Variants in POLG observed in about 807,000 individuals in gnomAD.
POLG encodes the protein DNA polymerase subunit gamma-1.
Under a neutral mutation model 155.4 loss-of-function variants are expected in POLG, and 110 were observed. That is an observed-to-expected ratio of 0.71 (90% CI 0.61 to 0.83). The LOEUF is 0.83. Among genes scored for constraint, POLG ranks in the 40% least tolerant of loss-of-function variants. The probability of loss-of-function intolerance (pLI) is 0.00; values close to 1 mark genes in which losing one functional copy is unlikely to be tolerated. For synonymous variants in POLG, 701 were observed against 631.5 expected, an observed-to-expected ratio of 1.11 and a Z score of -1.65; for missense variants, 1,685 against 1,627.5, an observed-to-expected ratio of 1.04 and a Z score of -0.61.
Position 89,333,308 on chromosome 15 carries a change from G to A in POLG, c.447C>T (p.Pro149=). The A allele has an allele frequency of 6.4e-7, 1 of 1,556,526 alleles. No homozygotes were observed. The highest frequency in any genetic ancestry group is 8.7e-7 in the Non-Finnish European group (1 of 1,150,610). The part of the protein sequence containing the change: ...FRLLAQKQSL[P]YLEAANLLLQ... ...ACAGCAAGTTGGCCGCCTCCAGGTA[G>A]GGCAGGCTCTGCTTCTGGGCCAGGA... The change falls in exon 2 of 23, where the codon CCC becomes CCT. Residue 149 remains proline (P), a synonymous_variant. Transcript: ENST00000268124.
intron 17 of POLG, 21 bp from the exon 18 acceptor site, chr15:89,321,033 A>T: frequency 6.2e-7 from 1 of 1,614,170 alleles, no homozygotes; most frequent in Non-Finnish European, 8.5e-7. Flanking sequence ...AGCAGGAGTG[A>T]GAAAAGCAGC....
intron 2 of POLG, among the ~76,000 whole-genome samples, chr15:89,332,697 G>A (rs971778811): frequency 6.6e-6 from 1 of 152,130 alleles, no homozygotes; most frequent in Non-Finnish European, 1.5e-5. Context: ...ACAAAAGGGA[G>A]CTTTCTACCG....
At position 89,324,622 on chromosome 15, in the gene POLG, T is replaced by A. The variant is rs557316730; in HGVS notation, c.1950-395A>T. 2.4e-3 allele frequency among the ~76,000 whole-genome samples: 361 copies of A among 152,308 alleles called. 1 individual carries two copies. Among genetic ancestry groups the A allele is most frequent in the Admixed American group, 8.6e-3 (131 of 15,308 alleles). On this transcript the variant is annotated intron_variant, in intron 10 of 22. Transcript: ENST00000268124. ...TATCCCCTTTGGTCCCATGGCCCCA[T>A]AAGAGACTCAGGCTGCCCTGAAGAG...
rs775048930 is a variant in POLG at position 89,316,820 on chromosome 15, C to T, written c.3651G>A (p.Ala1217=). Residue 1217 remains alanine (A), a synonymous_variant, in exon 23 of 23, where the codon GCG becomes GCA. Coordinates refer to ENST00000268124, the MANE Select transcript of POLG (RefSeq NM_002693.3). ...ERRYGIPQGE[A]LDIYQIIELT... is the part of the protein sequence containing the mutation. ...GTTCAATTATCTGGTAAATATCCAGCGCTTCACCTGAAAGATAGTGCAAAT... is the reference window on the plus strand; with the variant it reads ...GTTCAATTATCTGGTAAATATCCAGTGCTTCACCTGAAAGATAGTGCAAAT... 60 of 1,613,160 alleles carry T rather than the reference C, an allele frequency of 3.7e-5. No individual in the cohort carries two copies. In the Middle Eastern group the frequency reaches 4.9e-4, roughly 13 times the overall value.
chr15:89,331,945 A>G (rs764126015), intron 2 of POLG, among the ~76,000 whole-genome samples: 6 of 152,226 alleles, frequency 3.9e-5, no homozygotes, highest in South Asian at 2.1e-4. Flanking sequence ...AGAGGTAAAA[A>G]GAGAGAAAGA....
At position 89,334,699 on chromosome 15, in the gene POLG, T is replaced by G. The variant is rs551077610; in HGVS notation, c.-186A>C. Reference sequence around the variant, plus strand: ...TCGGTCCTCACGGTGCTTCCCGGTCTGCTGCTCCCCCGACCCCAGGCCCAC... The same window carrying G: ...TCGGTCCTCACGGTGCTTCCCGGTCGGCTGCTCCCCCGACCCCAGGCCCAC... On this transcript the variant is annotated 5_prime_UTR_variant, in exon 1 of 23. Transcript: ENST00000268124. 8 of 152,396 alleles carry G rather than the reference T, an allele frequency of 5.2e-5. No homozygotes were observed. The highest frequency in any genetic ancestry group is 1.9e-4 in the African/African-American group (8 of 41,482). 9.4% of individuals were successfully genotyped at this position (152,396 alleles called of 1,614,324 possible). A position where few individuals can be genotyped will look rare whatever the true frequency, so the allele number is the denominator to read the frequency against.
intron 10 of POLG, among the ~76,000 whole-genome samples, chr15:89,325,233 A>AGT (rs2055490447): frequency 9.6e-6 from 1 of 104,110 alleles, no homozygotes; most frequent in African/African-American, 5.1e-5. Context: ...AGAGTGAGTG[A>AGT]GAGAGTGAGT....
rs569277153 is a variant in POLG at position 89,328,664 on chromosome 15, G to A, written c.1170+21C>T. The A allele has an allele frequency of 1.5e-5, 24 of 1,613,914 alleles. No individual in the cohort carries two copies. In the South Asian group the frequency reaches 2.1e-4, roughly 14 times the overall value. On this transcript the variant is annotated intron_variant, in intron 5 of 22. Transcript: ENST00000268124. ...GGGTGTGCCACAGCCCATGTCCCCA[G>A]AGCCCCCTCCAGCACCATACCTGGA...
At chr15:89,325,066 GA>G (rs2055460185) in intron 10 of POLG, among the ~76,000 whole-genome samples, 1 of 104,054 alleles carries the variant, frequency 9.6e-6, no homozygotes, top group Non-Finnish European at 2.0e-5. Context: ...GAGAGTGAGT[GA>G]GTGAGTGAGT....
At chr15:89,322,710 G>C (rs2055413894) in intron 14 of POLG, 32 bp downstream of exon 14, 1 of 1,607,672 alleles carries the variant, frequency 6.2e-7, no homozygotes, top group Non-Finnish European at 8.5e-7. Context: ...AGAGGGGAAA[G>C]GCATCCCAGG....
chr15:89,316,488 G>C lies in POLG; in HGVS notation c.*263C>G. ...AAATGCCTGAGTTAATGTGAACTTT[G>C]GGGCTTCTGCTTCATTTTTACCCAA... On this transcript the variant is annotated 3_prime_UTR_variant, in exon 23 of 23. Coordinates refer to ENST00000268124, the MANE Select transcript of POLG (RefSeq NM_002693.3). 1 of 1,591,824 alleles carries C rather than the reference G, an allele frequency of 6.3e-7. No individual in the cohort carries two copies. The highest frequency in any genetic ancestry group is 8.6e-7 in the Non-Finnish European group (1 of 1,167,088).
rs193253420 is a variant in POLG at position 89,328,214 on chromosome 15, A to G, written c.1250+242T>C. 3.9e-5 allele frequency among the ~76,000 whole-genome samples: 6 copies of G among 152,348 alleles called. No individual in the cohort carries two copies. In the East Asian group the frequency reaches 1.2e-3, roughly 29 times the overall value. On this transcript the variant is annotated intron_variant, in intron 6 of 22. Coordinates refer to ENST00000268124, the MANE Select transcript of POLG (RefSeq NM_002693.3). ...AAGGATCTAGTTAGAGAAGGTGCAC[A>G]GTAAACCAGGACCGTGCACATGACA...
intron 22 of POLG, 193 bp from the exon 23 acceptor site, chr15:89,317,020 A>ATAGAAAATAAGCTTTCTGATT (rs2055291413): frequency 6.6e-6 from 4 of 609,906 alleles, no homozygotes; most frequent in Non-Finnish European, 1.2e-5. Flanking sequence ...TATATTTTAA[A>ATAGAAAATAAGCTTTCTGATT]TAGAAAATAA....
In POLG at chr15:89,319,165, C is replaced by A. The variant is rs1182465644; in HGVS notation, c.3104+63G>T. The A allele has an allele frequency of 1.9e-6, 3 of 1,614,046 alleles. No individual in the cohort carries two copies. In the East Asian group the frequency reaches 6.7e-5, roughly 36 times the overall value. On this transcript the variant is annotated intron_variant, in intron 19 of 22. Coordinates refer to ENST00000268124, the MANE Select transcript of POLG (RefSeq NM_002693.3). ...ATCTCAAAGCTAAAAAACAAAGCAT[C>A]CAAGCTCTTCTGGGGCAAGCCCAGA... is the stretch of plus-strand genomic sequence containing the variant.
At chr15:89,323,332 C>T in intron 13 of POLG, 72 bp downstream of exon 13, 1 of 945,406 alleles carries the variant, frequency 1.1e-6, no homozygotes, top group Non-Finnish European at 1.7e-6. Context: ...AGGTGTGTCA[C>T]TCTGAAGGCC....
chr15:89,330,539 A>T (rs979332755), intron 2 of POLG, among the ~76,000 whole-genome samples: 1 of 152,220 alleles, frequency 6.6e-6, no homozygotes, highest in Admixed American at 6.5e-5. Flanking sequence ...ACCTACGTGC[A>T]GGTATTCTAT....
At position 89,323,504 on chromosome 15, in the gene POLG, C is replaced by T. The variant is rs185645212; in HGVS notation, c.2165G>A (p.Arg722His). Residue 722 changes from arginine to histidine, a missense_variant, in exon 13 of 23, where the codon CGT (arginine) becomes CAT (histidine). Around this residue, in one of 3 missense-constraint regions of POLG, gnomAD observed 1,210 missense variants for 1,167.1 expected, o/e 1.04. Coordinates refer to ENST00000268124, the MANE Select transcript of POLG (RefSeq NM_002693.3). ...GGGCTGGGTGTCCTTGGGGCCACCACGGGCAGTCTGTGAGGGCCACACACC... is the reference window on the plus strand; with the variant it reads ...GGGCTGGGTGTCCTTGGGGCCACCATGGGCAGTCTGTGAGGGCCACACACC... ...VPGQPLALTA[R>H]GGPKDTQPSY... is the part of the protein sequence containing the mutation. 4.0e-4 allele frequency: 651 copies of T among 1,608,372 alleles called. 7 individuals carry two copies. The highest frequency in any genetic ancestry group is 6.7e-5 in the African/African-American group (5 of 74,956).
intron 12 of POLG, 64 bp downstream of exon 12, chr15:89,323,751 G>A (rs901051036): frequency 1.5e-5 from 20 of 1,296,206 alleles, no homozygotes; most frequent in Middle Eastern, 2.3e-4. Context: ...AGAACTAGGT[G>A]GGCAAGAGGA....
At chr15:89,325,091 AGTGAGTG>A (rs1567189244) in intron 10 of POLG, among the ~76,000 whole-genome samples, 13 of 93,814 alleles carry the variant, frequency 1.4e-4, no homozygotes, top group African/African-American at 6.4e-4. Flanking sequence ...TGAGAGAGTG[AGTGAGTG>A]AGAGAGTGAG....
Sources: gnomAD v4.1 joint callset for allele counts (sites outside exome capture counted in the v4.1 genomes callset) on GRCh38, gnomAD v4.1.1 for gene constraint, gnomAD v4.1.1 regional missense constraint, MANE v1.5 for transcripts, NCBI Gene and HGNC (gene_info 2026-07-23, HGNC 2026-07-21) for gene names.